Variants in OXNAD1 observed in about 807,000 individuals in gnomAD.
OXNAD1 encodes oxidoreductase NAD binding domain containing 1.
OXNAD1 carries 34 observed loss-of-function variants against 32.9 expected under a neutral mutation model. That is an observed-to-expected ratio of 1.03 (90% CI 0.79 to 1.38). The LOEUF (loss-of-function observed/expected upper bound fraction) is 1.38, where lower values mean the gene tolerates loss of function less well. OXNAD1 is among the 40% of genes most tolerant of loss of function. The pLI is 0.00. For synonymous variants in OXNAD1, 134 were observed against 135.2 expected (o/e 0.99, Z 0.06); for missense variants, 407 against 379.4 (o/e 1.07, Z -0.60).
Position 16,314,017 on chromosome 3 carries a change from G to C in OXNAD1, c.*30+10425G>C, listed in dbSNP as rs1475448565. On this transcript the variant is annotated intron_variant, in intron 9 of 9. Coordinates refer to the OXNAD1 transcript ENST00000435829. This position sits in a 1 kb window ranked among gnomAD's most constrained non-coding sequence, Gnocchi z 4.4. ...AAGTAGTTGAAAACAGCTTCCCAGTGAAAGAATCTGGATTCAGCCACAACA... is the reference window on the plus strand; with the variant it reads ...AAGTAGTTGAAAACAGCTTCCCAGTCAAAGAATCTGGATTCAGCCACAACA... Among the ~76,000 whole-genome samples the C allele has an allele frequency of 6.6e-6, 1 of 152,018 alleles. No homozygotes were observed. Among genetic ancestry groups the C allele is most frequent in the Non-Finnish European group, 1.5e-5 (1 of 68,014 alleles).
intron 9 of OXNAD1, among the ~76,000 whole-genome samples, chr3:16,313,244 T>C (rs1016609492): frequency 1.0e-4 from 14 of 134,870 alleles, no homozygotes; most frequent in Non-Finnish European, 1.7e-4. Flanking sequence ...GTTCTTGCTA[T>C]GTTGCCCAGG....
In OXNAD1 at chr3:16,342,620, A is replaced by G. The variant is rs1409023121; in HGVS notation, c.*31-6556A>G. Among the ~76,000 whole-genome samples, 1 of 152,002 alleles carries G rather than the reference A, an allele frequency of 6.6e-6. No individual in the cohort carries two copies. Among genetic ancestry groups the G allele is most frequent in the African/African-American group, 2.4e-5 (1 of 41,238 alleles). On this transcript the variant is annotated intron_variant, in intron 9 of 9. Coordinates refer to the OXNAD1 transcript ENST00000606098. This position sits in a 1 kb window ranked among gnomAD's most constrained non-coding sequence, Gnocchi z 4.0. The stretch of plus-strand genomic sequence containing the variant: ...GTGTCCATGGATCACTTTTATAAAA[A>G]TAAAAAAAGTTATAAGAATGAAAGC...
rs1366735412 is a variant in OXNAD1, at chr3:16,336,665, T to C, written c.*31-447T>C. ...TTTCATAATGTTCAAAGAGAATAAT[T>C]TTTTTTTTTTAAAAAAGCTTAGTTC... On this transcript the variant is annotated intron_variant, in intron 9 of 9. Transcript: ENST00000435829. The surrounding 1 kb of genome is among the most constrained non-coding windows in gnomAD (Gnocchi z 6.0). Among the ~76,000 whole-genome samples the C allele has an allele frequency of 6.7e-6, 1 of 150,202 alleles. No homozygotes were observed. The highest frequency in any genetic ancestry group is 2.1e-4 in the South Asian group (1 of 4,768).
Position 16,301,693 on chromosome 3 carries a change from A to G in OXNAD1, c.500A>G (p.Asp167Gly), listed in dbSNP as rs371709808. Residue 167 changes from aspartate to glycine, a missense_variant, in exon 7 of 9, where the codon GAT (aspartate) becomes GGT (glycine). By Grantham distance (94) the Asp-to-Gly change is moderately conservative (BLOSUM62 -1). Coordinates refer to ENST00000285083, the MANE Select transcript of OXNAD1 (RefSeq NM_138381.5). The surrounding 1 kb of genome is among the most constrained non-coding windows in gnomAD (Gnocchi z 4.1). ...GEFFFDPQPA[D>G]ASRNLVLIAG... The stretch of plus-strand genomic sequence containing the variant: ...TTCTTCTTTGACCCTCAGCCTGCGG[A>G]TGCCTCTAGAAACCTCGTGTTGATT... 2 of 1,613,878 alleles carry G rather than the reference A, an allele frequency of 1.2e-6. No individual in the cohort carries two copies. Among genetic ancestry groups the G allele is most frequent in the Non-Finnish European group, 1.7e-6 (2 of 1,179,976 alleles).
downstream of OXNAD1, among the ~76,000 whole-genome samples, chr3:16,310,942 A>G (rs2067930451): frequency 7.1e-6 from 1 of 140,186 alleles, no homozygotes; most frequent in African/African-American, 2.6e-5. Context: ...GTGAGCCGAA[A>G]TTGTGCCATT....
chr3:16,275,493 G>A (rs1359553957), intron 4 of OXNAD1: 1 of 152,278 alleles, frequency 6.6e-6, no homozygotes, highest in Non-Finnish European at 1.5e-5. Context: ...TTGAACCCAG[G>A]AGTTCAAGGT....
chr3:16,307,300 C>G (rs1243015792), downstream of OXNAD1, among the ~76,000 whole-genome samples: 1 of 152,162 alleles, frequency 6.6e-6, no homozygotes, highest in Non-Finnish European at 1.5e-5. Context: ...GTCAGTGGTT[C>G]ACACTCAATC....
intron 9 of OXNAD1, among the ~76,000 whole-genome samples, chr3:16,343,453 T>G (rs1324454510): frequency 6.6e-6 from 1 of 152,210 alleles, no homozygotes; most frequent in Non-Finnish European, 1.5e-5. Flanking sequence ...TTTTTCCTCC[T>G]CCAAGATAAA....
intron 4 of OXNAD1, among the ~76,000 whole-genome samples, chr3:16,285,625 G>T (rs947371514): frequency 6.6e-6 from 1 of 152,190 alleles, no homozygotes; most frequent in Non-Finnish European, 1.5e-5. Flanking sequence ...CCTATTCAAG[G>T]CTTTCCAGAA....
rs1241662102 is a variant in OXNAD1 at position 16,335,683 on chromosome 3, C to T, written c.*31-1429C>T. Among the ~76,000 whole-genome samples the T allele has an allele frequency of 6.6e-6, 1 of 151,472 alleles. No individual in the cohort carries two copies. Among genetic ancestry groups the T allele is most frequent in the East Asian group, 1.9e-4 (1 of 5,164 alleles). On this transcript the variant is annotated intron_variant, in intron 9 of 9. Transcript: ENST00000435829. This position sits in a 1 kb window ranked among gnomAD's most constrained non-coding sequence, Gnocchi z 4.7. ...TAGCTAATGGATGCTGGGCTTCATA[C>T]CTAGGTGATAGCCTGATCTGAGCAG... is the stretch of plus-strand genomic sequence containing the variant.
chr3:16,348,858 C>G lies in OXNAD1; in HGVS notation c.*31-318C>G, dbSNP rs1007579043. Reference sequence around the variant, plus strand: ...GACTGGTTTTGGTCCAATAGCCCATCATCTCTGTGTCCTGCCACTGCCACA... The same window carrying G: ...GACTGGTTTTGGTCCAATAGCCCATGATCTCTGTGTCCTGCCACTGCCACA... On this transcript the variant is annotated intron_variant, in intron 9 of 9. Coordinates refer to the OXNAD1 transcript ENST00000606098. This position sits in a 1 kb window ranked among gnomAD's most constrained non-coding sequence, Gnocchi z 6.3. 6.6e-6 allele frequency among the ~76,000 whole-genome samples: 1 copy of G among 152,200 alleles called. No individual in the cohort carries two copies. The highest frequency in any genetic ancestry group is 1.5e-5 in the Non-Finnish European group (1 of 68,030).
chr3:16,351,925 T>C (rs188855399), downstream of OXNAD1, among the ~76,000 whole-genome samples: 2 of 152,218 alleles, frequency 1.3e-5, no homozygotes, highest in Non-Finnish European at 2.9e-5. The surrounding 1 kb of genome is among the most constrained non-coding windows in gnomAD (Gnocchi z 5.4). Context: ...CAGATTCCAT[T>C]GATATTTTAA....
chr3:16,312,917 A>C lies in OXNAD1; in HGVS notation c.*30+9325A>C. ...GTTACTTATAAACCATTGATAAATAATTTAAGACTTTATAAATATTATTAC... is the reference window on the plus strand; with the variant it reads ...GTTACTTATAAACCATTGATAAATACTTTAAGACTTTATAAATATTATTAC... On this transcript the variant is annotated intron_variant, in intron 9 of 9. Coordinates refer to the OXNAD1 transcript ENST00000435829. This position sits in a 1 kb window ranked among gnomAD's most constrained non-coding sequence, Gnocchi z 4.7. Among the ~76,000 whole-genome samples the C allele has an allele frequency of 6.6e-6, 1 of 152,334 alleles. No individual in the cohort carries two copies. Among genetic ancestry groups the C allele is most frequent in the East Asian group, 1.9e-4 (1 of 5,192 alleles).
chr3:16,314,832 T>G lies in OXNAD1; in HGVS notation c.*30+11240T>G, dbSNP rs1001387763. ...TTGCTTTTCAAAGTTGAGTGTGGTG[T>G]TTTTGTCCTGGCCTGTTGCTGACTA... On this transcript the variant is annotated intron_variant, in intron 9 of 9. Transcript: ENST00000435829. The surrounding 1 kb of genome is among the most constrained non-coding windows in gnomAD (Gnocchi z 4.4). The G allele has an allele frequency of 5.3e-5, 8 of 152,218 alleles. No individual in the cohort carries two copies. The highest frequency in any genetic ancestry group is 1.9e-4 in the African/African-American group (8 of 41,440). The allele number at this position is 152,218 out of a possible 1,614,324, so 9.4% of individuals were successfully genotyped here. A position where few individuals can be genotyped will look rare whatever the true frequency, so the allele number is the denominator to read the frequency against.
At chr3:16,272,240 A>G in intron 4 of OXNAD1, 1 of 428,730 alleles carries the variant, frequency 2.3e-6, no homozygotes, top group East Asian at 7.2e-5. Context: ...TTTTTCCACC[A>G]TATTCAGACT....
At chr3:16,276,340 A>AT (rs970282420) in intron 4 of OXNAD1, 3,459 of 174,102 alleles carry the variant, frequency 0.02, no homozygotes, top group South Asian at 0.055. Context: ...TCTTCTGTGA[A>AT]TTTTTTTTTT....
At chr3:16,308,927 A>T (rs1053919774), downstream of OXNAD1, among the ~76,000 whole-genome samples, 2 of 149,830 alleles carry the variant, frequency 1.3e-5, no homozygotes, top group African/African-American at 4.9e-5. This position sits in a 1 kb window ranked among gnomAD's most constrained non-coding sequence, Gnocchi z 4.4. Context: ...AAAAATTGTT[A>T]AATAATTTTT....
Position 16,303,464 on chromosome 3 carries a change from T to A in OXNAD1, c.841T>A (p.Tyr281Asn). 6.2e-7 allele frequency: 1 copy of A among 1,614,112 alleles called. No homozygotes were observed. Among genetic ancestry groups the A allele is most frequent in the Non-Finnish European group, 8.5e-7 (1 of 1,179,962 alleles). The stretch of plus-strand genomic sequence containing the variant: ...TCATATTTCAAAAGAGACTTTGTTC[T>A]ATATTTGTGGCCCACCTCCAATGAC... ...RDHISKETLF[Y>N]ICGPPPMTDF... The change falls in exon 9 of 9, where the codon TAT (tyrosine) becomes AAT (asparagine). Residue 281 changes from tyrosine (Y) to asparagine (N), a missense_variant. Coordinates refer to ENST00000285083, the MANE Select transcript of OXNAD1 (RefSeq NM_138381.5). This position sits in a 1 kb window ranked among gnomAD's most constrained non-coding sequence, Gnocchi z 4.8.
In OXNAD1 at chr3:16,336,421, G is replaced by A. The variant is rs1297199338; in HGVS notation, c.*31-691G>A. On this transcript the variant is annotated intron_variant, in intron 9 of 9. Coordinates refer to the OXNAD1 transcript ENST00000435829. This position sits in a 1 kb window ranked among gnomAD's most constrained non-coding sequence, Gnocchi z 6.0. The stretch of plus-strand genomic sequence containing the variant: ...AAGGGGCGACCTGCTGCTCTGTGGA[G>A]AAACAGCAAAGCCCTCTGCAGCCAG... 6.6e-6 allele frequency among the ~76,000 whole-genome samples: 1 copy of A among 152,198 alleles called. No homozygotes were observed. Among genetic ancestry groups the A allele is most frequent in the Non-Finnish European group, 1.5e-5 (1 of 68,024 alleles).
Sources: allele counts gnomAD v4.1 joint callset (sites outside exome capture counted in the v4.1 genomes callset), GRCh38; gene constraint gnomAD v4.1.1; non-coding constraint Gnocchi (gnomAD v3.1); transcripts MANE v1.5; gene names NCBI Gene and HGNC (gene_info 2026-07-23, HGNC 2026-07-21).